RXFP1: variants seen among roughly 807,000 people sequenced by gnomAD.
RXFP1 encodes the protein relaxin receptor 1.
RXFP1 carries 73 observed loss-of-function variants against 89.8 expected under a neutral mutation model. The ratio of observed to expected loss-of-function variants is 0.81; its 90% CI spans 0.67 to 0.99. The LOEUF (loss-of-function observed/expected upper bound fraction) is 0.99. RXFP1 is among the 50% of genes least tolerant of loss of function. The pLI is 0.00. For synonymous variants in RXFP1, 277 were observed against 305.5 expected, an observed-to-expected ratio of 0.91 and a Z score of 0.97; for missense variants, 793 against 895.5, an observed-to-expected ratio of 0.89 and a Z score of 1.46.
chr4:158,602,858 A>G (rs1761944446), intron 4 of RXFP1, among the ~76,000 whole-genome samples: 2 of 152,174 alleles, frequency 1.3e-5, no homozygotes, highest in Non-Finnish European at 2.9e-5. Context: ...GGTTCAAGCG[A>G]TTCTCAGAAC....
intron 4 of RXFP1, among the ~76,000 whole-genome samples, chr4:158,600,915 A>G (rs1159075443): frequency 6.6e-6 from 1 of 152,122 alleles, no homozygotes; most frequent in African/African-American, 2.4e-5. Flanking sequence ...TTACTAGAAA[A>G]TCCAAATCAA....
At chr4:158,561,697 G>A (rs550097397) in intron 1 of RXFP1, among the ~76,000 whole-genome samples, 1 of 136,928 alleles carries the variant, frequency 7.3e-6, no homozygotes, top group East Asian at 2.1e-4. Flanking sequence ...GTGTGATCTC[G>A]TCTGACTGCA....
chr4:158,559,590 C>T (rs977346511), intron 1 of RXFP1, among the ~76,000 whole-genome samples: 1 of 152,116 alleles, frequency 6.6e-6, no homozygotes, highest in Non-Finnish European at 1.5e-5. Context: ...ATACCTATTA[C>T]TTATCCAATA....
At chr4:158,623,154 T>C (rs1765952407) in intron 9 of RXFP1, among the ~76,000 whole-genome samples, 1 of 151,954 alleles carries the variant, frequency 6.6e-6, no homozygotes, top group Non-Finnish European at 1.5e-5. Flanking sequence ...AAGAAATTAA[T>C]ATAGCAACCA....
chr4:158,646,189 TGAAA>T (rs1340160815), intron 15 of RXFP1: 1 of 284,816 alleles, frequency 3.5e-6, no homozygotes, highest in Non-Finnish European at 6.9e-6. Context: ...ATGTAAAAAT[TGAAA>T]GAGAGAGAAA....
intron 2 of RXFP1, chr4:158,573,216 G>A: frequency 5.8e-6 from 1 of 173,248 alleles, no homozygotes; most frequent in Non-Finnish European, 1.2e-5. Flanking sequence ...CACCGTGTTA[G>A]CCAGGATGGT....
At chr4:158,536,299 A>G (rs978336224) in intron 1 of RXFP1, among the ~76,000 whole-genome samples, 1 of 152,208 alleles carries the variant, frequency 6.6e-6, no homozygotes, top group Admixed American at 6.5e-5. Flanking sequence ...ATTTTAATCA[A>G]TAGTACTACC....
At chr4:158,545,161 C>G (rs527877806) in intron 1 of RXFP1, among the ~76,000 whole-genome samples, 1 of 151,668 alleles carries the variant, frequency 6.6e-6, no homozygotes, top group African/African-American at 2.4e-5. Flanking sequence ...GAGATGGTAT[C>G]TCATTGTGGT....
At chr4:158,613,699 A>G (rs945650037) in intron 8 of RXFP1, among the ~76,000 whole-genome samples, 15 of 152,202 alleles carry the variant, frequency 9.9e-5, no homozygotes, top group African/African-American at 3.1e-4. Flanking sequence ...GAACCCTTCA[A>G]AGTCACCCAT....
chr4:158,534,706 T>C (rs565895605), intron 1 of RXFP1, among the ~76,000 whole-genome samples: 1 of 152,070 alleles, frequency 6.6e-6, no homozygotes, highest in African/African-American at 2.4e-5. Flanking sequence ...CTTTCCAGAA[T>C]GAAGAGAGAA....
At chr4:158,570,454 TCC>T (rs887034957) in intron 1 of RXFP1, among the ~76,000 whole-genome samples, 11 of 152,042 alleles carry the variant, frequency 7.2e-5, no homozygotes, top group Non-Finnish European at 1.6e-4. Flanking sequence ...ACCCTACCTT[TCC>T]CCCAGAGAGT....
chr4:158,647,425 C>T (rs939724183), intron 16 of RXFP1, among the ~76,000 whole-genome samples: 1 of 152,160 alleles, frequency 6.6e-6, no homozygotes, highest in African/African-American at 2.4e-5. Flanking sequence ...TATGTTTTGG[C>T]TCTTTGTTTT....
intron 5 of RXFP1, among the ~76,000 whole-genome samples, chr4:158,605,923 A>G (rs561751962): frequency 1.3e-5 from 2 of 152,342 alleles, no homozygotes; most frequent in African/African-American, 4.8e-5. Context: ...ATATATCTGT[A>G]CATTTTTAAA....
intron 3 of RXFP1, 159 bp from the exon 4 acceptor site, chr4:158,599,167 G>T: frequency 8.8e-7 from 1 of 1,140,942 alleles, no homozygotes; most frequent in Non-Finnish European, 1.2e-6. Flanking sequence ...AGCAAACTTT[G>T]GAGCCTTAAT....
At position 158,553,486 on chromosome 4, in the gene RXFP1, A is replaced by T. The variant is rs868000236; in HGVS notation, c.50-19212A>T. The stretch of plus-strand genomic sequence containing the variant: ...AGCTCAGGTGAAGGACTGACACGGG[A>T]CAGAGGCAAAGACAGCTCATCCATA... On this transcript the variant is annotated intron_variant, in intron 1 of 17. Transcript: ENST00000307765. Among the ~76,000 whole-genome samples, 24 of 152,120 alleles carry T rather than the reference A, an allele frequency of 1.6e-4. 1 individual carries two copies. The highest frequency in any genetic ancestry group is 5.8e-4 in the African/African-American group (24 of 41,398).
At chr4:158,569,703 T>C (rs1243964122) in intron 1 of RXFP1, among the ~76,000 whole-genome samples, 1 of 152,218 alleles carries the variant, frequency 6.6e-6, no homozygotes, top group Non-Finnish European at 1.5e-5. Context: ...CTCCTTAAGT[T>C]TGTCTCCTCT....
At chr4:158,650,941 A>AC (rs1424378007) in intron 17 of RXFP1, among the ~76,000 whole-genome samples, 1 of 152,014 alleles carries the variant, frequency 6.6e-6, no homozygotes, top group East Asian at 1.9e-4. Flanking sequence ...AGACCCTGAG[A>AC]CCCCAACTCT....
chr4:158,523,889 T>C (rs1161026816), intron 1 of RXFP1, among the ~76,000 whole-genome samples: 1 of 152,200 alleles, frequency 6.6e-6, no homozygotes, highest in Admixed American at 6.5e-5. Flanking sequence ...TTGTTGTTTC[T>C]TTGTGTGTTT....
Position 158,570,772 on chromosome 4 carries a change from T to C in RXFP1, c.50-1926T>C, listed in dbSNP as rs73860530. Among the ~76,000 whole-genome samples, 586 of 152,296 alleles carry C rather than the reference T, an allele frequency of 3.8e-3. 2 individuals carry two copies. The highest frequency in any genetic ancestry group is 0.013 in the African/African-American group (558 of 41,550). On this transcript the variant is annotated intron_variant, in intron 1 of 17. Coordinates refer to ENST00000307765, the MANE Select transcript of RXFP1 (RefSeq NM_021634.4). The stretch of plus-strand genomic sequence containing the variant: ...TGGCCCCTTGGCTTCAAATTCTTCA[T>C]TGATTCCCCTTTGCATTTTAAATAA...
Sources: gnomAD v4.1 joint callset for allele counts (sites outside exome capture counted in the v4.1 genomes callset) on GRCh38, gnomAD v4.1.1 for gene constraint, MANE v1.5 for transcripts, NCBI Gene and HGNC (gene_info 2026-07-23, HGNC 2026-07-21) for gene names.